FRYL: variants seen among roughly 807,000 people sequenced by gnomAD.
FRYL encodes the protein protein furry homolog-like.
Under a neutral mutation model 351.2 loss-of-function variants are expected in FRYL, and 150 were observed. The observed-to-expected ratio is 0.43, with a 90% confidence interval of 0.37 to 0.49. The LOEUF (loss-of-function observed/expected upper bound fraction) is 0.49, where lower values mean the gene tolerates loss of function less well. Among genes scored for constraint, FRYL ranks in the 20% least tolerant of loss-of-function variants. The pLI is 0.00. For synonymous variants in FRYL, 1,153 were observed against 1,257.1 expected (o/e 0.92, Z 1.75); for missense variants, 3,036 against 3,619.3 (o/e 0.84, Z 4.13).
rs563312644 is a variant in FRYL, at chr4:48,679,332, G to A, written c.-81+5341C>T. Among the ~76,000 whole-genome samples the A allele has an allele frequency of 4.0e-5, 6 of 151,880 alleles. 1 individual carries two copies. Among genetic ancestry groups the A allele is most frequent in the African/African-American group, 1.4e-4 (6 of 41,436 alleles). On this transcript the variant is annotated intron_variant, in intron 3 of 63. Coordinates refer to ENST00000358350, the MANE Select transcript of FRYL (RefSeq NM_015030.2). ...CCTTCTTTATTCTTTTACGTAACTGGTATTTTTTAAAAAGAAAGTATGGTT... is the reference window on the plus strand; with the variant it reads ...CCTTCTTTATTCTTTTACGTAACTGATATTTTTTAAAAAGAAAGTATGGTT...
At chr4:48,686,879 CAGCAG>C (rs1219352979) in intron 2 of FRYL, among the ~76,000 whole-genome samples, 2 of 152,218 alleles carry the variant, frequency 1.3e-5, no homozygotes, top group African/African-American at 4.8e-5. Context: ...AACACTTCTT[CAGCAG>C]ACACACAACC....
chr4:48,518,548 C>CT (rs1486806664), intron 55 of FRYL, among the ~76,000 whole-genome samples: 4 of 152,178 alleles, frequency 2.6e-5, no homozygotes, highest in Admixed American at 6.5e-5. Context: ...AGATCATGTT[C>CT]TTCTTCAATG....
intron 3 of FRYL, among the ~76,000 whole-genome samples, chr4:48,667,237 T>A (rs562603187): frequency 6.6e-6 from 1 of 152,226 alleles, no homozygotes; most frequent in South Asian, 2.1e-4. Context: ...TAGTGGACAA[T>A]CCATTCCACT....
intron 12 of FRYL, among the ~76,000 whole-genome samples, chr4:48,602,899 G>A (rs1745991863): frequency 6.6e-6 from 1 of 152,180 alleles, no homozygotes; most frequent in East Asian, 1.9e-4. Context: ...ATGCTGTACA[G>A]GTTTGTAGTC....
chr4:48,534,664 TG>T lies in FRYL; in HGVS notation c.6585del (p.Ser2196ValfsTer14). Reference protein sequence around the residue: ...YLAELLEKGLSSMQQSLLQII... With the variant: ...YLAELLEKGLXSMQQSLLQII... ...ATCTGTAGTAATGATTGCTGCATAC[TG>T]GACAATCCTTTCTCTAACAGCTAAA... On this transcript the variant is annotated frameshift_variant, in exon 49 of 64. Coordinates refer to ENST00000358350, the MANE Select transcript of FRYL (RefSeq NM_015030.2). LOFTEE classifies it high-confidence loss of function. 1 of 1,559,786 alleles carries T rather than the reference TG, an allele frequency of 6.4e-7. No homozygotes were observed. Among genetic ancestry groups the T allele is most frequent in the Non-Finnish European group, 8.8e-7 (1 of 1,136,304 alleles).
intron 3 of FRYL, among the ~76,000 whole-genome samples, chr4:48,640,637 T>C (rs1293392970): frequency 2.6e-5 from 4 of 152,180 alleles, no homozygotes; most frequent in Admixed American, 6.6e-5. Flanking sequence ...AACTGGAATG[T>C]AAACTTTAGT....
chr4:48,573,350 T>C, intron 25 of FRYL, 107 bp from the exon 26 acceptor site: 2 of 719,630 alleles, frequency 2.8e-6, no homozygotes, highest in Admixed American at 4.7e-5. Context: ...ATTCCAATCC[T>C]ACTGTTTTAA....
Position 48,555,652 on chromosome 4 carries a change from G to A in FRYL, c.4266+1326C>T, listed in dbSNP as rs539340409. 4.6e-5 allele frequency among the ~76,000 whole-genome samples: 7 copies of A among 152,276 alleles called. No individual in the cohort carries two copies. In the South Asian group the frequency reaches 1.0e-3, roughly 23 times the overall value. On this transcript the variant is annotated intron_variant, in intron 35 of 63. Coordinates refer to ENST00000358350, the MANE Select transcript of FRYL (RefSeq NM_015030.2). ...AGAGGTGGAAGCAAAGGGGGCCAGC[G>A]CAGCTGAAGGGTGGGAGCACCAGAC...
chr4:48,589,503 G>A (rs900629010), intron 18 of FRYL, among the ~76,000 whole-genome samples: 3 of 152,022 alleles, frequency 2.0e-5, no homozygotes, highest in African/African-American at 7.2e-5. Context: ...AGTAAGTGTA[G>A]GGCCTTGTCA....
intron 1 of FRYL, among the ~76,000 whole-genome samples, chr4:48,738,398 A>G (rs1303815670): frequency 5.3e-5 from 8 of 152,210 alleles, no homozygotes; most frequent in Non-Finnish European, 7.3e-5. Flanking sequence ...AAATTTGTGT[A>G]AGACCTTTAT....
intron 59 of FRYL, among the ~76,000 whole-genome samples, chr4:48,507,815 C>T (rs1380727370): frequency 1.3e-5 from 2 of 152,116 alleles, no homozygotes; most frequent in South Asian, 2.1e-4. Flanking sequence ...TGTGCAGTCT[C>T]GCCTTAGAAC....
intron 1 of FRYL, among the ~76,000 whole-genome samples, chr4:48,757,091 T>G (rs1207064800): frequency 6.6e-6 from 1 of 151,792 alleles, no homozygotes; most frequent in Non-Finnish European, 1.5e-5. Context: ...TATTCCAAGG[T>G]AGTGGGAAAG....
At chr4:48,746,725 C>T (rs1300288650) in intron 1 of FRYL, among the ~76,000 whole-genome samples, 2 of 152,142 alleles carry the variant, frequency 1.3e-5, no homozygotes, top group Non-Finnish European at 2.9e-5. Flanking sequence ...AAACGCCACA[C>T]AGCTACTGCT....
chr4:48,707,679 T>C (rs571094205), intron 2 of FRYL, among the ~76,000 whole-genome samples: 2 of 152,190 alleles, frequency 1.3e-5, no homozygotes, highest in South Asian at 4.1e-4. Flanking sequence ...CAGGTAATAA[T>C]GAGGTCTAAG....
chr4:48,545,312 C>T (rs1395577891), intron 42 of FRYL, among the ~76,000 whole-genome samples: 3 of 152,150 alleles, frequency 2.0e-5, no homozygotes, highest in Non-Finnish European at 4.4e-5. Flanking sequence ...GTAATGTCCT[C>T]TTGATTCTTT....
In FRYL at chr4:48,623,177, C is replaced by T. The variant is rs771078204; in HGVS notation, c.123G>A (p.Glu41=). ...KIEVVMAEPL[E]KLLSRSLQRG... ...TCTGAAGAGATCTGGACAATAGCTT[C>T]TCCTATGATTAAAAAAAACAAACAT... Residue 41 remains glutamate, a splice_region_variant and synonymous_variant, in exon 5 of 64, where the codon GAG becomes GAA. Transcript: ENST00000358350. 4.8e-6 allele frequency: 7 copies of T among 1,460,550 alleles called. No individual in the cohort carries two copies. Among genetic ancestry groups the T allele is most frequent in the Non-Finnish European group, 6.5e-6 (7 of 1,072,578 alleles). The allele number at this position is 1,460,550 out of a possible 1,614,324, so 90.5% of individuals were successfully genotyped here.
At position 48,510,184 on chromosome 4, in the gene FRYL, G is replaced by T. The variant is rs564135770; in HGVS notation, c.8296-27C>A. ...TGTCAAATCAGAAGTATTGATCCAG[G>T]TTACCATTTCTGATTGAAATCATGA... On this transcript the variant is annotated intron_variant, in intron 58 of 63. Transcript: ENST00000358350. The T allele has an allele frequency of 3.3e-6, 5 of 1,517,288 alleles. No homozygotes were observed. The East Asian group carries it at 1.1e-4, about 34-fold the overall frequency. The allele number at this position is 1,517,288 out of a possible 1,614,324, so 94.0% of individuals were successfully genotyped here.
chr4:48,610,692 C>CATATATTATATT (rs1560710706), intron 7 of FRYL, among the ~76,000 whole-genome samples: 1 of 142,392 alleles, frequency 7.0e-6, no homozygotes, highest in African/African-American at 2.6e-5. Flanking sequence ...ATATTATATA[C>CATATATTATATT]ATATATTATA....
At chr4:48,564,271 C>A (rs1445752712) in intron 30 of FRYL, among the ~76,000 whole-genome samples, 169 bp from the exon 31 acceptor site, 3 of 152,188 alleles carry the variant, frequency 2.0e-5, no homozygotes, top group Non-Finnish European at 4.4e-5. Context: ...GCAGAAAAAA[C>A]CACACAGATG....
Sources: allele counts gnomAD v4.1 joint callset (sites outside exome capture counted in the v4.1 genomes callset), GRCh38; gene constraint gnomAD v4.1.1; transcripts MANE v1.5; gene names NCBI Gene and HGNC (gene_info 2026-07-23, HGNC 2026-07-21).